Variants in SYT9 observed in about 807,000 individuals in gnomAD.
SYT9 encodes the protein synaptotagmin-9.
In SYT9, 22 loss-of-function variants were observed where a neutral mutation model predicts 48.4. That is an observed-to-expected ratio of 0.45 (90% CI 0.32 to 0.65). The LOEUF (loss-of-function observed/expected upper bound fraction) is 0.65, where lower values mean the gene tolerates loss of function less well. Ranked by LOEUF, SYT9 falls within the 30% of genes least tolerant of loss-of-function variation. The pLI is 0.03. For synonymous variants in SYT9, 265 were observed against 245.0 expected (o/e 1.08, Z -0.76); for missense variants, 577 against 622.0 (o/e 0.93, Z 0.77).
At chr11:7,402,165 T>C (rs1846906437) in intron 3 of SYT9, among the ~76,000 whole-genome samples, 1 of 152,038 alleles carries the variant, frequency 6.6e-6, no homozygotes. Context: ...ATGAGTAAAT[T>C]TTAATTTCAT....
intron 1 of SYT9, among the ~76,000 whole-genome samples, chr11:7,275,840 A>G (rs1848379410): frequency 6.6e-6 from 1 of 152,094 alleles, no homozygotes; most frequent in South Asian, 2.1e-4. Context: ...CACTTCATTT[A>G]TCCTCTCTGT....
intron 3 of SYT9, among the ~76,000 whole-genome samples, chr11:7,401,832 T>C (rs560332942): frequency 6.6e-6 from 1 of 151,992 alleles, no homozygotes; most frequent in South Asian, 2.1e-4. Flanking sequence ...AGTTCTTTTA[T>C]GTTTTATTGG....
rs75205119 is a variant in SYT9, at chr11:7,396,976, T to C, written c.1045-19066T>C. ...CCTTCCCCTTTTCCACAATATGTTTTGAAGAGCAAAAGTTTTTTACTTTAA... is the reference window on the plus strand; with the variant it reads ...CCTTCCCCTTTTCCACAATATGTTTCGAAGAGCAAAAGTTTTTTACTTTAA... On this transcript the variant is annotated intron_variant, in intron 3 of 6. Transcript: ENST00000318881. 4.6e-5 allele frequency among the ~76,000 whole-genome samples: 7 copies of C among 152,292 alleles called. No individual in the cohort carries two copies. In the East Asian group the frequency reaches 1.3e-3, roughly 29 times the overall value.
chr11:7,314,170 C>T (rs1288370787), intron 3 of SYT9: 2 of 667,866 alleles, frequency 3.0e-6, no homozygotes, highest in Non-Finnish European at 5.4e-6. Flanking sequence ...AACATTCTCT[C>T]TTTTCTACTT....
intron 6 of SYT9, among the ~76,000 whole-genome samples, chr11:7,456,025 C>T (rs1342199210): frequency 1.3e-5 from 2 of 152,104 alleles, no homozygotes; most frequent in Non-Finnish European, 2.9e-5. Flanking sequence ...GAGCAATGCC[C>T]CATTTGGAAT....
intron 3 of SYT9, among the ~76,000 whole-genome samples, chr11:7,352,278 GT>G (rs1849931870): frequency 1.3e-5 from 2 of 152,170 alleles, no homozygotes; most frequent in African/African-American, 2.4e-5. Flanking sequence ...TTTGTATTCA[GT>G]TGATGTCTAG....
At chr11:7,398,474 A>AG in intron 3 of SYT9, among the ~76,000 whole-genome samples, 1 of 148,140 alleles carries the variant, frequency 6.8e-6, no homozygotes, top group African/African-American at 2.5e-5. Context: ...CAGTGGCATG[A>AG]TCTCGGCTCA....
intron 3 of SYT9, among the ~76,000 whole-genome samples, chr11:7,367,072 CTTTTTTTTT>C (rs35502843): frequency 3.8e-5 from 2 of 53,266 alleles, no homozygotes; most frequent in African/African-American, 6.4e-5. Context: ...AGGAGACCAT[CTTTTTTTTT>C]TTTTTTTTTT....
At chr11:7,349,382 AACACAC>A (rs71056799) in intron 3 of SYT9, among the ~76,000 whole-genome samples, 4 of 148,160 alleles carry the variant, frequency 2.7e-5, no homozygotes, top group African/African-American at 7.5e-5. Flanking sequence ...AAAATATACA[AACACAC>A]ACACACACAC....
At chr11:7,334,639 T>TCCCAATCCCC (rs1849602520) in intron 3 of SYT9, among the ~76,000 whole-genome samples, 1 of 142,548 alleles carries the variant, frequency 7.0e-6, no homozygotes, top group Non-Finnish European at 1.5e-5. Flanking sequence ...CTCCACTCCC[T>TCCCAATCCCC]GCCACCCATC....
At chr11:7,402,204 T>C (rs2134076150) in intron 3 of SYT9, among the ~76,000 whole-genome samples, 1 of 152,158 alleles carries the variant, frequency 6.6e-6, no homozygotes. Context: ...TATACTTCAT[T>C]ATAATGTTAG....
chr11:7,278,603 T>C (rs911298386), intron 1 of SYT9, among the ~76,000 whole-genome samples: 1 of 152,180 alleles, frequency 6.6e-6, no homozygotes. Flanking sequence ...TTTATTACAT[T>C]TTACTTGATA....
intron 3 of SYT9, among the ~76,000 whole-genome samples, chr11:7,388,632 A>G (rs1264995550): frequency 2.0e-5 from 3 of 152,184 alleles, no homozygotes; most frequent in Non-Finnish European, 4.4e-5. Context: ...ATTTCTCAAT[A>G]TAATTTTTTA....
At chr11:7,322,343 C>T (rs186731256) in intron 3 of SYT9, among the ~76,000 whole-genome samples, 34 of 152,224 alleles carry the variant, frequency 2.2e-4, no homozygotes, top group African/African-American at 7.5e-4. Flanking sequence ...ACAAGCAACT[C>T]GAAAAACACC....
chr11:7,286,960 A>C (rs1302483905), intron 1 of SYT9, among the ~76,000 whole-genome samples: 2 of 151,972 alleles, frequency 1.3e-5, no homozygotes, highest in East Asian at 3.9e-4. Context: ...AACTCTTCCA[A>C]CTGCTGCCTG....
intron 3 of SYT9, among the ~76,000 whole-genome samples, chr11:7,411,708 C>G (rs1847139557): frequency 1.3e-5 from 2 of 152,044 alleles, no homozygotes; most frequent in Admixed American, 6.5e-5. Flanking sequence ...GACCTTCTTG[C>G]TCTGTATTTG....
chr11:7,297,144 T>C (rs557129764), intron 1 of SYT9, among the ~76,000 whole-genome samples: 136 of 149,910 alleles, frequency 9.1e-4, no homozygotes, highest in Non-Finnish European at 1.6e-3. Flanking sequence ...TTATTCAGAG[T>C]TGAGATGCTT....
chr11:7,374,763 G>A (rs1302367679), intron 3 of SYT9, among the ~76,000 whole-genome samples: 1 of 152,024 alleles, frequency 6.6e-6, no homozygotes, highest in Non-Finnish European at 1.5e-5. Context: ...TTTTCGATGG[G>A]GTTGATTGTT....
intron 3 of SYT9, among the ~76,000 whole-genome samples, chr11:7,408,418 A>G (rs1279155558): frequency 2.0e-5 from 3 of 152,212 alleles, no homozygotes; most frequent in East Asian, 1.9e-4. Flanking sequence ...GTGAGCCACC[A>G]TGCCCAGCCA....
Sources: allele counts gnomAD v4.1 joint callset (sites outside exome capture counted in the v4.1 genomes callset), GRCh38; gene constraint gnomAD v4.1.1; transcripts MANE v1.5; gene names NCBI Gene and HGNC (gene_info 2026-07-23, HGNC 2026-07-21).